The following PCDH15 variants were observed in gnomAD, a reference collection of about 807,000 sequenced individuals.
PCDH15 encodes protocadherin-15.
Under a neutral mutation model 178.5 loss-of-function variants are expected in PCDH15, and 129 were observed. The observed-to-expected ratio is 0.72, with a 90% confidence interval of 0.63 to 0.84. The LOEUF (loss-of-function observed/expected upper bound fraction) is 0.84. Among genes scored for constraint, PCDH15 ranks in the 40% least tolerant of loss-of-function variants. PCDH15 has a pLI of 0.00. For synonymous variants in PCDH15, 800 were observed against 732.0 expected, an observed-to-expected ratio of 1.09 and a Z score of -1.50; for missense variants, 2,230 against 2,099.9, an observed-to-expected ratio of 1.06 and a Z score of -1.21.
At chr10:55,112,185 C>T (rs7096025) in intron 2 of PCDH15, among the ~76,000 whole-genome samples, 36,510 of 151,928 alleles carry the variant, frequency 0.24, 5,089 homozygotes, top group African/African-American at 0.38. Context: ...ATGTTGAAAT[C>T]CTAAGGCAAA....
rs572899728 is a variant in PCDH15 at position 55,508,620 on chromosome 10, G to T, written c.-156+119005C>A. Among the ~76,000 whole-genome samples, 3 of 151,792 alleles carry T rather than the reference G, an allele frequency of 2.0e-5. No individual in the cohort carries two copies. The East Asian group carries it at 5.8e-4, about 29-fold the overall frequency. On this transcript the variant is annotated intron_variant, in intron 2 of 5. Coordinates refer to the PCDH15 transcript ENST00000613346. ...TGTAACTTCTTTGAACATAACTTCA[G>T]ATTTTAAAAGTTGACATAGAATTTC...
chr10:53,890,569 C>T (rs925651936), intron 26 of PCDH15, among the ~76,000 whole-genome samples: 2 of 151,964 alleles, frequency 1.3e-5, no homozygotes, highest in Non-Finnish European at 2.9e-5. Flanking sequence ...TTCTAAGAGA[C>T]CATAAATGTC....
chr10:55,381,564 T>C (rs1345588882), intron 2 of PCDH15, among the ~76,000 whole-genome samples: 2 of 152,068 alleles, frequency 1.3e-5, no homozygotes, highest in East Asian at 3.9e-4. Context: ...CTACAGGGTA[T>C]GGGCCTCCAA....
At chr10:54,647,834 T>TA (rs2135125479) in intron 2 of PCDH15, among the ~76,000 whole-genome samples, 1 of 152,210 alleles carries the variant, frequency 6.6e-6, no homozygotes, top group East Asian at 1.9e-4. Context: ...TGAATGTTTT[T>TA]ATCATATTCT....
chr10:53,954,668 C>T (rs2087437950), intron 23 of PCDH15, among the ~76,000 whole-genome samples: 1 of 152,144 alleles, frequency 6.6e-6, no homozygotes, highest in Non-Finnish European at 1.5e-5. Flanking sequence ...CAACCTTTAG[C>T]TTGAAGTCCA....
At chr10:54,751,074 A>G (rs758652008) in intron 1 of PCDH15, among the ~76,000 whole-genome samples, 15 of 152,154 alleles carry the variant, frequency 9.9e-5, no homozygotes, top group Admixed American at 8.5e-4. Context: ...TATGGTCTCT[A>G]TAAAGTAGTA....
At chr10:53,846,313 T>C (rs1231192980) in intron 28 of PCDH15, among the ~76,000 whole-genome samples, 1 of 151,904 alleles carries the variant, frequency 6.6e-6, no homozygotes, top group Non-Finnish European at 1.5e-5. Context: ...TTACTTTGAA[T>C]GCTCTCTAAC....
chr10:54,027,313 A>G (rs1328289565), intron 18 of PCDH15, among the ~76,000 whole-genome samples: 1 of 151,122 alleles, frequency 6.6e-6, no homozygotes, highest in Non-Finnish European at 1.5e-5. Flanking sequence ...ATGGAAGAAC[A>G]TTCCATGCTC....
intron 2 of PCDH15, among the ~76,000 whole-genome samples, chr10:55,149,246 AT>A (rs1166917254): frequency 9.6e-6 from 1 of 104,546 alleles, no homozygotes; most frequent in Non-Finnish European, 2.2e-5. Flanking sequence ...TTAATTAAAA[AT>A]AAATGTTAAT....
chr10:55,310,138 A>G (rs1564994173), intron 1 of PCDH15, among the ~76,000 whole-genome samples: 1 of 152,192 alleles, frequency 6.6e-6, no homozygotes, highest in East Asian at 1.9e-4. Context: ...CGTTTAATTC[A>G]AAACACTTAT....
At chr10:54,352,251 A>G (rs954269415) in intron 5 of PCDH15, among the ~76,000 whole-genome samples, 4 of 152,206 alleles carry the variant, frequency 2.6e-5, no homozygotes, top group Non-Finnish European at 5.9e-5. Flanking sequence ...GGCTTTAATG[A>G]TTAAACAGAA....
intron 1 of PCDH15, among the ~76,000 whole-genome samples, chr10:55,289,590 T>A (rs1462344241): frequency 1.3e-5 from 2 of 152,016 alleles, no homozygotes; most frequent in African/African-American, 4.8e-5. Context: ...CTTCTCAAAC[T>A]GGCATCTTAT....
chr10:55,546,511 C>T (rs1841885607), intron 2 of PCDH15, among the ~76,000 whole-genome samples: 1 of 151,956 alleles, frequency 6.6e-6, no homozygotes, highest in Non-Finnish European at 1.5e-5. Context: ...AAAGTGTTTA[C>T]AGGGGGCAAA....
intron 1 of PCDH15, among the ~76,000 whole-genome samples, chr10:54,690,310 CT>C (rs71014404): frequency 2.1e-3 from 259 of 126,114 alleles, no homozygotes; most frequent in East Asian, 4.0e-3. Flanking sequence ...ACAAGACTAC[CT>C]TTTTTTTTTT....
At chr10:55,491,382 A>G (rs1415698786) in intron 2 of PCDH15, among the ~76,000 whole-genome samples, 4 of 151,690 alleles carry the variant, frequency 2.6e-5, no homozygotes, top group African/African-American at 4.8e-5. Flanking sequence ...GAGATTCTAC[A>G]TCAGTCACAG....
rs778241733 is a variant in PCDH15 at position 54,183,416 on chromosome 10, T to C, written c.1590+28A>G. On this transcript the variant is annotated intron_variant, in intron 13 of 37. Coordinates refer to ENST00000644397, the MANE Select transcript of PCDH15 (RefSeq NM_001384140.1). Reference sequence around the variant, plus strand: ...TGCACATGTAAATAACAGCTTTGAGTGTACACTTATATTATGTGAGTAGTT... The same window carrying C: ...TGCACATGTAAATAACAGCTTTGAGCGTACACTTATATTATGTGAGTAGTT... 3.2e-6 allele frequency: 5 copies of C among 1,581,630 alleles called. No homozygotes were observed. In the African/African-American group the frequency reaches 6.8e-5, roughly 21 times the overall value.
intron 35 of PCDH15, among the ~76,000 whole-genome samples, chr10:53,813,078 G>T (rs950571907): frequency 2.6e-5 from 4 of 151,968 alleles, no homozygotes; most frequent in African/African-American, 9.7e-5. Context: ...GTGGATGTTG[G>T]TTTCTCTTGA....
At chr10:54,951,138 A>G (rs1838327481) in intron 2 of PCDH15, among the ~76,000 whole-genome samples, 1 of 151,922 alleles carries the variant, frequency 6.6e-6, no homozygotes, top group South Asian at 2.1e-4. Flanking sequence ...GTTTTGACAA[A>G]TAGAGAATGA....
intron 2 of PCDH15, among the ~76,000 whole-genome samples, chr10:55,444,696 C>T (rs974130099): frequency 2.0e-5 from 3 of 152,082 alleles, no homozygotes; most frequent in African/African-American, 7.2e-5. Flanking sequence ...CTAAATCCAG[C>T]TCTGCTGTAG....
Sources: gnomAD v4.1 joint callset for allele counts (sites outside exome capture counted in the v4.1 genomes callset) on GRCh38, gnomAD v4.1.1 for gene constraint, MANE v1.5 for transcripts, NCBI Gene and HGNC (gene_info 2026-07-23, HGNC 2026-07-21) for gene names.